Variants in GPR55 observed in about 807,000 individuals in gnomAD.
GPR55 encodes the protein G-protein coupled receptor 55.
GPR55 carries 6 observed loss-of-function variants against 7.9 expected under a neutral mutation model. The observed-to-expected ratio is 0.76, with a 90% CI of 0.41 to 1.49. GPR55 has a LOEUF of 1.49. Ranked by LOEUF, GPR55 falls within the 40% of genes most tolerant of loss-of-function variation. GPR55 has a pLI of 0.01. For missense variants in GPR55, 376 were observed against 406.0 expected (o/e 0.93, Z 0.63); for synonymous variants, 183 against 166.8 (o/e 1.10, Z -0.75).
At chr2:230,957,645 T>C in intron 1 of GPR55, 1 of 537,668 alleles carries the variant, frequency 1.9e-6, no homozygotes, top group Non-Finnish European at 3.8e-6. Context: ...CTCTTTAAGC[T>C]CCTAGGCATT....
chr2:230,935,998 G>A (rs955192807), intron 1 of GPR55, among the ~76,000 whole-genome samples: 1 of 152,212 alleles, frequency 6.6e-6, no homozygotes. Flanking sequence ...GAGGAAGCTT[G>A]TGAGTTTGTA....
chr2:230,912,017 G>T (rs978666546), intron 1 of GPR55, among the ~76,000 whole-genome samples: 3 of 152,032 alleles, frequency 2.0e-5, no homozygotes, highest in Non-Finnish European at 4.4e-5. Context: ...ACTCAAATAC[G>T]ACCCAACTTC....
At chr2:230,931,490 C>T (rs755012273) in intron 1 of GPR55, among the ~76,000 whole-genome samples, 17 of 152,172 alleles carry the variant, frequency 1.1e-4, no homozygotes, top group Non-Finnish European at 1.9e-4. Flanking sequence ...TCTACCTGTC[C>T]CACCTTGCTG....
intron 1 of GPR55, 124 bp downstream of exon 1, chr2:230,925,039 CAGGTG>C (rs1690919271): frequency 6.6e-6 from 1 of 152,654 alleles, no homozygotes; most frequent in Non-Finnish European, 1.5e-5. Flanking sequence ...TGAGTTGGGA[CAGGTG>C]TGCACAAAGC....
intron 1 of GPR55, among the ~76,000 whole-genome samples, chr2:230,948,529 G>A (rs190620432): frequency 1.2e-4 from 19 of 152,262 alleles, no homozygotes; most frequent in African/African-American, 2.4e-4. Flanking sequence ...ACTTTCTCTC[G>A]TTGCCTTTGA....
At chr2:230,960,230 C>A (rs1691547619) in intron 1 of GPR55, among the ~76,000 whole-genome samples, 1 of 152,166 alleles carries the variant, frequency 6.6e-6, no homozygotes, top group South Asian at 2.1e-4. Flanking sequence ...AAGTTGCTTA[C>A]AAAGTGAGCT....
chr2:230,956,205 C>T (rs756521214), intron 1 of GPR55, among the ~76,000 whole-genome samples: 212 of 152,108 alleles, frequency 1.4e-3, no homozygotes, highest in Non-Finnish European at 2.3e-3. Flanking sequence ...CACTCTGTTG[C>T]CCAGGCTGGA....
At chr2:230,916,618 T>C (rs551044962) in intron 1 of GPR55, among the ~76,000 whole-genome samples, 2 of 152,106 alleles carry the variant, frequency 1.3e-5, no homozygotes, top group East Asian at 3.9e-4. Context: ...TGTTCTTGTG[T>C]TGTAGGGGGT....
intron 1 of GPR55, among the ~76,000 whole-genome samples, chr2:230,913,833 T>A (rs1036318392): frequency 9.2e-5 from 14 of 152,150 alleles, no homozygotes; most frequent in Non-Finnish European, 8.8e-5. Flanking sequence ...AAGAGGAAGA[T>A]GGAATTGGCT....
intron 1 of GPR55, among the ~76,000 whole-genome samples, chr2:230,953,527 A>G (rs4972976): frequency 0.062 from 9,371 of 152,270 alleles, 687 homozygotes; most frequent in East Asian, 0.4. Context: ...AGCCTCCAGG[A>G]GGACACAGTC....
intron 1 of GPR55, among the ~76,000 whole-genome samples, chr2:230,960,041 G>C (rs1431311978): frequency 6.6e-6 from 1 of 152,198 alleles, no homozygotes; most frequent in Non-Finnish European, 1.5e-5. Flanking sequence ...ACATGCCTGG[G>C]CTTAGGTGCT....
chr2:230,932,033 TC>T (rs956989870), intron 1 of GPR55, among the ~76,000 whole-genome samples: 3 of 151,834 alleles, frequency 2.0e-5, no homozygotes, highest in Non-Finnish European at 4.4e-5. Context: ...CTCCTCACCA[TC>T]CCCAGACAGC....
intron 1 of GPR55, among the ~76,000 whole-genome samples, chr2:230,941,152 T>C (rs111668150): frequency 0.024 from 3,676 of 150,362 alleles, 136 homozygotes; most frequent in African/African-American, 0.085. Context: ...TTGGAGGGCC[T>C]GATGCCTGGG....
At chr2:230,952,895 C>G (rs1691426106) in intron 1 of GPR55, among the ~76,000 whole-genome samples, 1 of 152,230 alleles carries the variant, frequency 6.6e-6, no homozygotes, top group South Asian at 2.1e-4. Flanking sequence ...TGGCCGATGT[C>G]TGCGTCCTCT....
chr2:230,929,286 A>G (rs866794191), upstream of GPR55, among the ~76,000 whole-genome samples: 20 of 152,230 alleles, frequency 1.3e-4, 1 homozygote, highest in Admixed American at 2.6e-4. Flanking sequence ...AGGTGCTCAC[A>G]AAGACAGGAA....
intron 1 of GPR55, among the ~76,000 whole-genome samples, chr2:230,920,718 T>A (rs935317436): frequency 6.6e-6 from 1 of 152,180 alleles, no homozygotes; most frequent in Non-Finnish European, 1.5e-5. Flanking sequence ...TTTTCCAAAT[T>A]GAATATTTAG....
rs1479961973 is a variant in GPR55 at position 230,911,056 on chromosome 2, T to TC, written c.-95dup. Reference sequence around the variant, plus strand: ...GACTTTGTCAAGAATCACAAACACCTCCCCAGCATCACACAGCAATTCATG... The same window carrying TC: ...GACTTTGTCAAGAATCACAAACACCTCCCCCAGCATCACACAGCAATTCATG... On this transcript the variant is annotated 5_prime_UTR_variant, in exon 2 of 2. It removes the in-frame stop codon of an upstream open reading frame in the 5' UTR. Coordinates refer to ENST00000650999, the MANE Select transcript of GPR55 (RefSeq NM_005683.4). 2 of 1,267,780 alleles carry TC rather than the reference T, an allele frequency of 1.6e-6. No homozygotes were observed. Among genetic ancestry groups the TC allele is most frequent in the African/African-American group, 3.0e-5 (2 of 67,000 alleles). The allele number at this position is 1,267,780 out of a possible 1,614,324, so 78.5% of individuals were successfully genotyped here. A position where few individuals can be genotyped will look rare whatever the true frequency, so the allele number is the denominator to read the frequency against.
chr2:230,938,146 C>CAAA (rs59307128), intron 1 of GPR55, among the ~76,000 whole-genome samples: 1 of 19,896 alleles, frequency 5.0e-5, no homozygotes, highest in Non-Finnish European at 1.3e-4. Context: ...GACCCTGTCT[C>CAAA]AAAAAAAAAA....
At chr2:230,935,240 C>T (rs1234341225) in intron 1 of GPR55, among the ~76,000 whole-genome samples, 2 of 152,116 alleles carry the variant, frequency 1.3e-5, no homozygotes, top group Non-Finnish European at 2.9e-5. Context: ...AAAGGGGCCT[C>T]AGGTTACACA....
Sources: gnomAD v4.1 joint callset for allele counts (sites outside exome capture counted in the v4.1 genomes callset) on GRCh38, gnomAD v4.1.1 for gene constraint, MANE v1.5 for transcripts, NCBI Gene and HGNC (gene_info 2026-07-23, HGNC 2026-07-21) for gene names.